The following CLASP1 variants were observed in gnomAD, a reference collection of about 807,000 sequenced individuals.
The protein encoded by CLASP1 is CLIP-associating protein 1.
A neutral mutation model predicts 192.3 loss-of-function variants in CLASP1; 38 were observed. The observed-to-expected ratio is 0.20, with a 90% CI of 0.15 to 0.26. CLASP1 has a LOEUF of 0.26. CLASP1 is among the 10% of genes least tolerant of loss of function. The pLI, the probability that CLASP1 is intolerant of heterozygous loss-of-function variation, is 1.00. For missense variants in CLASP1, 1,433 were observed against 1,932.5 expected, an observed-to-expected ratio of 0.74 and a Z score of 4.85; for synonymous variants, 691 against 712.8, an observed-to-expected ratio of 0.97 and a Z score of 0.49.
At position 121,430,183 on chromosome 2, in the gene CLASP1, G is replaced by A. The variant is rs778806834; in HGVS notation, c.1913-6C>T. The A allele has an allele frequency of 5.1e-6, 8 of 1,554,540 alleles. No homozygotes were observed. The South Asian group carries it at 7.1e-5, about 14-fold the overall frequency. Reference sequence around the variant, plus strand: ...CCGTCTTGTGCGGATCCGACCTGGAGGACACAGCAAAAACAGTGTTTCACA... The same window carrying A: ...CCGTCTTGTGCGGATCCGACCTGGAAGACACAGCAAAAACAGTGTTTCACA... On this transcript the variant is annotated splice_polypyrimidine_tract_variant and splice_region_variant and intron_variant, in intron 19 of 39. Coordinates refer to ENST00000263710, the Ensembl canonical transcript of CLASP1.
At chr2:121,425,277 ATTT>A in exon 22 of CLASP1, 1 of 1,612,578 alleles carries the variant, frequency 6.2e-7, no homozygotes, top group East Asian at 2.2e-5. Context: ...CTTCCCAACA[ATTT>A]TCCTGGGGAA....
chr2:121,474,433 T>C (rs72969335), intron 8 of CLASP1, among the ~76,000 whole-genome samples: 6,347 of 152,292 alleles, frequency 0.042, 169 homozygotes, highest in East Asian at 0.14. Context: ...TATGTAATGC[T>C]GCCCAAAGAA....
intron 19 of CLASP1, among the ~76,000 whole-genome samples, chr2:121,441,837 T>C (rs1310502966): frequency 6.6e-6 from 1 of 152,242 alleles, no homozygotes; most frequent in African/African-American, 2.4e-5. Flanking sequence ...CTTTTTCCAC[T>C]GTGTAAAAAG....
chr2:121,478,801 CA>C (rs1559367365), intron 8 of CLASP1, among the ~76,000 whole-genome samples: 11 of 22,880 alleles, frequency 4.8e-4, no homozygotes, highest in Non-Finnish European at 1.2e-3. Flanking sequence ...CACCACACAC[CA>C]CACACACACC....
chr2:121,363,017 G>C lies in CLASP1; in HGVS notation c.4206+155C>G, dbSNP rs1011524504. Among the ~76,000 whole-genome samples the C allele has an allele frequency of 1.6e-4, 24 of 152,338 alleles. 1 individual carries two copies. The highest frequency in any genetic ancestry group is 5.8e-4 in the African/African-American group (24 of 41,580). ...AACTATGCCACTGCTCAGCAAGGAC[G>C]ACAGCAATGGGGACTCCACTCTGTA... is the stretch of plus-strand genomic sequence containing the variant. On this transcript the variant is annotated intron_variant, in intron 37 of 39. Coordinates refer to ENST00000263710, the Ensembl canonical transcript of CLASP1.
At chr2:121,347,527 T>C (rs993916352) in intron 38 of CLASP1, among the ~76,000 whole-genome samples, 10 of 152,134 alleles carry the variant, frequency 6.6e-5, no homozygotes, top group African/African-American at 2.4e-4. Context: ...CTCCCAAAGG[T>C]AAACCAAATT....
Position 121,367,724 on chromosome 2 carries a change from G to T in CLASP1, c.3750C>A (p.Thr1250=). Residue 1250 remains threonine (T), a synonymous_variant, in exon 35 of 40, where the codon ACC becomes ACA. Transcript: ENST00000263710. The stretch of plus-strand genomic sequence containing the variant: ...GCCCCGGGAAGGCGCGCGGAGGCTG[G>T]GTGTTGAGTAGTGAGGTCTTGTTAT... 1.9e-6 allele frequency: 3 copies of T among 1,613,984 alleles called. No homozygotes were observed. The South Asian group carries it at 3.3e-5, about 18-fold the overall frequency.
intron 39 of CLASP1, among the ~76,000 whole-genome samples, chr2:121,342,609 A>ATT (rs778936252): frequency 6.6e-6 from 1 of 152,172 alleles, no homozygotes. Flanking sequence ...GGAGAAAACA[A>ATT]TAAAGATTAG....
intron 2 of CLASP1, among the ~76,000 whole-genome samples, chr2:121,591,416 T>A (rs2062386902): frequency 1.3e-5 from 2 of 152,258 alleles, no homozygotes; most frequent in Admixed American, 6.5e-5. Context: ...CACTTCCTCT[T>A]AGTCCTAGTC....
chr2:121,611,848 T>G, intron 1 of CLASP1, among the ~76,000 whole-genome samples: 1 of 124,892 alleles, frequency 8.0e-6, no homozygotes, highest in Admixed American at 7.9e-5. Context: ...GGAGGAGGCA[T>G]TGGAGGAGTT....
intron 14 of CLASP1, among the ~76,000 whole-genome samples, chr2:121,455,695 A>C (rs2086488912): frequency 6.6e-6 from 1 of 152,150 alleles, no homozygotes. Context: ...CCTTATCTCT[A>C]CAAAAAATTT....
rs765327537 is a variant in CLASP1, at chr2:121,401,498, T to TA, written c.2900+10dup. 5.0e-6 allele frequency: 8 copies of TA among 1,601,828 alleles called. No homozygotes were observed. Among genetic ancestry groups the TA allele is most frequent in the Non-Finnish European group, 6.8e-6 (8 of 1,175,630 alleles). ...GTAACATCAAAATGGACCTAACCCT[T>TA]AAACACTTACCTTGTGACATCTAGA... is the stretch of plus-strand genomic sequence containing the variant. On this transcript the variant is annotated intron_variant, in intron 28 of 39. Coordinates refer to ENST00000263710, the Ensembl canonical transcript of CLASP1.
exon 19 of CLASP1, chr2:121,447,468 G>T: frequency 6.4e-7 from 1 of 1,555,794 alleles, no homozygotes; most frequent in South Asian, 1.2e-5. Flanking sequence ...TCGCTGGAGG[G>T]ACCCAGTCGT....
chr2:121,382,852 G>A (rs2072082205), intron 32 of CLASP1, among the ~76,000 whole-genome samples: 1 of 152,216 alleles, frequency 6.6e-6, no homozygotes, highest in Non-Finnish European at 1.5e-5. Context: ...CTTTGGTGCT[G>A]TGATCCAGTT....
At chr2:121,338,270 C>T (rs1009566132) in exon 40 of CLASP1, 2 of 152,282 alleles carry the variant, frequency 1.3e-5, no homozygotes, top group African/African-American at 4.8e-5. Context: ...CGTGGCATCG[C>T]CGCAGGTCCG....
intron 2 of CLASP1, among the ~76,000 whole-genome samples, chr2:121,546,141 T>C (rs1050416230): frequency 6.6e-6 from 1 of 152,152 alleles, no homozygotes; most frequent in Non-Finnish European, 1.5e-5. Flanking sequence ...CTCTATACTT[T>C]AGCCATGAGA....
At chr2:121,376,444 C>T (rs2070156396) in intron 34 of CLASP1, among the ~76,000 whole-genome samples, 1 of 139,656 alleles carries the variant, frequency 7.2e-6, no homozygotes, top group Non-Finnish European at 1.5e-5. Flanking sequence ...ATCATATATT[C>T]TCACTCATTT....
intron 8 of CLASP1, among the ~76,000 whole-genome samples, chr2:121,481,534 A>G (rs2092598305): frequency 6.6e-6 from 1 of 152,198 alleles, no homozygotes; most frequent in Non-Finnish European, 1.5e-5. Context: ...CAAAAGAAAA[A>G]AGCTCAATTA....
At chr2:121,623,981 T>A (rs2106142074) in intron 1 of CLASP1, among the ~76,000 whole-genome samples, 1 of 152,352 alleles carries the variant, frequency 6.6e-6, no homozygotes, top group Non-Finnish European at 1.5e-5. Context: ...ATAATCTTTT[T>A]TAATTTCCAT....
Sources: allele counts gnomAD v4.1 joint callset (sites outside exome capture counted in the v4.1 genomes callset), GRCh38; gene constraint gnomAD v4.1.1; transcripts MANE v1.5; gene names NCBI Gene and HGNC (gene_info 2026-07-23, HGNC 2026-07-21).